ARHGEF4: variants seen among roughly 807,000 people sequenced by gnomAD.
ARHGEF4 encodes Rho guanine nucleotide exchange factor 4.
A neutral mutation model predicts 162.0 loss-of-function variants in ARHGEF4; 119 were observed. The observed-to-expected ratio is 0.73, with a 90% confidence interval of 0.63 to 0.86. ARHGEF4 has a LOEUF of 0.86. Ranked by LOEUF, ARHGEF4 falls within the 40% of genes least tolerant of loss-of-function variation. ARHGEF4 has a pLI of 0.00. For missense variants in ARHGEF4, 2,488 were observed against 2,456.0 expected (o/e 1.01, Z -0.28); for synonymous variants, 1,014 against 979.9 (o/e 1.03, Z -0.65).
intron 3 of ARHGEF4, among the ~76,000 whole-genome samples, chr2:130,945,199 T>C (rs1170184573): frequency 6.6e-6 from 1 of 152,046 alleles, no homozygotes; most frequent in Non-Finnish European, 1.5e-5. Context: ...CCTCTTGGCA[T>C]TCTCCCAGGC....
chr2:130,838,940 A>G (rs982784361), intron 1 of ARHGEF4, among the ~76,000 whole-genome samples: 8 of 152,106 alleles, frequency 5.3e-5, no homozygotes, highest in Non-Finnish European at 7.4e-5. Flanking sequence ...GCCTTTGTGA[A>G]AGTATTCCTG....
At position 131,046,027 on chromosome 2, in the gene ARHGEF4, TC is replaced by T. The variant is rs1691229234; in HGVS notation, c.5480-8del. ...GGCACCCATGACCCTCTGCTGTCTC[TC>T]CCTGTTCAGCTGTTGGCCGGCCCTG... is the stretch of plus-strand genomic sequence containing the variant. On this transcript the variant is annotated splice_polypyrimidine_tract_variant and intron_variant, in intron 13 of 13. Transcript: ENST00000409359. 6.2e-7 allele frequency: 1 copy of T among 1,607,842 alleles called. No individual in the cohort carries two copies. The highest frequency in any genetic ancestry group is 1.3e-5 in the African/African-American group (1 of 74,882).
intron 3 of ARHGEF4, among the ~76,000 whole-genome samples, chr2:130,932,506 G>A (rs1682697019): frequency 1.3e-5 from 2 of 152,184 alleles, no homozygotes; most frequent in Non-Finnish European, 2.9e-5. Flanking sequence ...ACCGCGCCTG[G>A]CCTGGAATCC....
intron 1 of ARHGEF4, among the ~76,000 whole-genome samples, chr2:130,848,271 G>A (rs113193842): frequency 7.6e-4 from 115 of 152,288 alleles, no homozygotes; most frequent in Middle Eastern, 3.4e-3. Flanking sequence ...GGCCAGGATC[G>A]CGTCTGAACC....
intron 4 of ARHGEF4, among the ~76,000 whole-genome samples, chr2:130,968,507 C>T (rs1292614752): frequency 6.6e-6 from 1 of 152,154 alleles, no homozygotes; most frequent in African/African-American, 2.4e-5. Context: ...TGCCCTGAGC[C>T]CCTGTTCTGG....
chr2:130,847,604 C>A (rs1425326201), intron 1 of ARHGEF4, among the ~76,000 whole-genome samples: 1 of 152,128 alleles, frequency 6.6e-6, no homozygotes, highest in Non-Finnish European at 1.5e-5. Context: ...ATGCTGTGGC[C>A]CCAGCTGCTT....
At chr2:131,044,262 C>A (rs1195177007) in intron 11 of ARHGEF4, 37 bp from the exon 12 acceptor site, 1 of 1,604,696 alleles carries the variant, frequency 6.2e-7, no homozygotes, top group East Asian at 2.2e-5. Flanking sequence ...GTCAGGGGAG[C>A]GGTTCAGCAG....
At position 131,046,432 on chromosome 2, in the gene ARHGEF4, T is replaced by C; in HGVS notation, c.*243T>C. 2 of 528,566 alleles carry C rather than the reference T, an allele frequency of 3.8e-6. No homozygotes were observed. Among genetic ancestry groups the C allele is most frequent in the Non-Finnish European group, 6.7e-6 (2 of 296,378 alleles). The allele number at this position is 528,566 out of a possible 1,614,324, so 32.7% of individuals were successfully genotyped here. A position where few individuals can be genotyped will look rare whatever the true frequency, so the allele number is the denominator to read the frequency against. On this transcript the variant is annotated 3_prime_UTR_variant, in exon 14 of 14. Transcript: ENST00000409359. ...CACTCGCCACACCGCCGCTGCAGCT[T>C]GGGCCCCATCCGCCCTCTGGACCTG...
intron 4 of ARHGEF4, among the ~76,000 whole-genome samples, chr2:130,951,534 C>T (rs992555797): frequency 2.0e-5 from 3 of 152,148 alleles, no homozygotes; most frequent in African/African-American, 7.2e-5. Context: ...TTAAATTTGC[C>T]ATCTTCTATG....
At chr2:130,902,689 G>A (rs1680556376) in intron 1 of ARHGEF4, among the ~76,000 whole-genome samples, 1 of 149,312 alleles carries the variant, frequency 6.7e-6, no homozygotes, top group Non-Finnish European at 1.5e-5. Flanking sequence ...CGCAAGCCCT[G>A]CATATGTAAT....
intron 4 of ARHGEF4, among the ~76,000 whole-genome samples, chr2:130,958,838 T>C (rs1684453612): frequency 6.6e-6 from 1 of 152,204 alleles, no homozygotes; most frequent in African/African-American, 2.4e-5. Flanking sequence ...CTCACTGTCC[T>C]GCAAAAGTCA....
chr2:130,873,058 G>A (rs1391425134), intron 1 of ARHGEF4, among the ~76,000 whole-genome samples: 1 of 152,212 alleles, frequency 6.6e-6, no homozygotes, highest in Non-Finnish European at 1.5e-5. Flanking sequence ...GTGCTCTTTT[G>A]CTGCCTTCCC....
intron 5 of ARHGEF4, among the ~76,000 whole-genome samples, chr2:131,036,983 C>T (rs1690337684): frequency 1.3e-5 from 2 of 152,204 alleles, no homozygotes; most frequent in African/African-American, 2.4e-5. Flanking sequence ...TGTCTCATCT[C>T]ATCTGAGTGG....
At chr2:130,972,561 A>G (rs548772335) in intron 4 of ARHGEF4, among the ~76,000 whole-genome samples, 4 of 152,336 alleles carry the variant, frequency 2.6e-5, no homozygotes, top group African/African-American at 9.6e-5. Flanking sequence ...AGTTGTTGAC[A>G]TAACATCATC....
chr2:130,979,914 C>G (rs183609742), intron 4 of ARHGEF4, among the ~76,000 whole-genome samples: 41 of 152,176 alleles, frequency 2.7e-4, no homozygotes, highest in Admixed American at 9.2e-4. Context: ...GAAACTTTCT[C>G]AAACAATAAG....
rs747677 is a variant in ARHGEF4 at position 130,897,311 on chromosome 2, G to T, written c.40-16675G>T. Among the ~76,000 whole-genome samples, 1,307 of 152,178 alleles carry T rather than the reference G, an allele frequency of 8.6e-3. 13 individuals carry two copies. The highest frequency in any genetic ancestry group is 0.029 in the African/African-American group (1,194 of 41,496). On this transcript the variant is annotated intron_variant, in intron 1 of 13. Transcript: ENST00000409359. ...AGCTCTGGAAATGTTAGCGCCTCCT[G>T]GGAGACGCATGGTGGGCCTGTGGAT...
intron 12 of ARHGEF4, among the ~76,000 whole-genome samples, chr2:131,045,115 T>G (rs1457138824): frequency 6.6e-6 from 1 of 152,128 alleles, no homozygotes; most frequent in Non-Finnish European, 1.5e-5. Context: ...AGGTGAGAGA[T>G]GGGTGGGCAG....
intron 1 of ARHGEF4, among the ~76,000 whole-genome samples, chr2:130,847,818 G>A (rs1451157233): frequency 2.6e-5 from 4 of 152,224 alleles, no homozygotes; most frequent in Non-Finnish European, 4.4e-5. Context: ...CATGGAAGGC[G>A]GCCTTGAAGG....
At chr2:131,027,652 C>T (rs1211764702) in intron 4 of ARHGEF4, among the ~76,000 whole-genome samples, 1 of 152,190 alleles carries the variant, frequency 6.6e-6, no homozygotes, top group Non-Finnish European at 1.5e-5. Context: ...TGAATACAAC[C>T]TAAGGGGCTC....
Sources: gnomAD v4.1 joint callset for allele counts (sites outside exome capture counted in the v4.1 genomes callset) on GRCh38, gnomAD v4.1.1 for gene constraint, MANE v1.5 for transcripts, NCBI Gene and HGNC (gene_info 2026-07-23, HGNC 2026-07-21) for gene names.